The following CHLSN variants were observed in gnomAD, a reference collection of about 807,000 sequenced individuals.
CHLSN encodes protein cholesin.
At chr7:1,039,878 A>G in the CHLSN span, among the ~76,000 whole-genome samples, 1 of 75,220 alleles carries the variant, frequency 1.3e-5, no homozygotes, top group East Asian at 2.6e-4. Flanking sequence ...CTTACCCCCA[A>G]CCCTGTGCTC....
the CHLSN span, among the ~76,000 whole-genome samples, chr7:1,049,904 C>T: frequency 6.6e-6 from 1 of 152,168 alleles, no homozygotes; most frequent in African/African-American, 2.4e-5. Flanking sequence ...CCTGGGCCCT[C>T]CTGATTGCCT....
the CHLSN span, among the ~76,000 whole-genome samples, chr7:1,136,511 CATAT>C: frequency 9.4e-6 from 1 of 106,354 alleles, no homozygotes; most frequent in Non-Finnish European, 1.7e-5. Context: ...TATATATAAA[CATAT>C]ATAAATATAT....
the CHLSN span, chr7:997,822 C>G: frequency 2.0e-5 from 32 of 1,599,318 alleles, no homozygotes; most frequent in Admixed American, 3.4e-5. Flanking sequence ...GGAAAGAGAT[C>G]GAGTTGGTCA....
chr7:1,108,451 G>C, the CHLSN span, among the ~76,000 whole-genome samples: 1 of 152,206 alleles, frequency 6.6e-6, no homozygotes, highest in Non-Finnish European at 1.5e-5. Context: ...GGGCAGCTTT[G>C]CACCTATCTG....
At chr7:1,130,652 C>T in the CHLSN span, among the ~76,000 whole-genome samples, 1 of 152,156 alleles carries the variant, frequency 6.6e-6, no homozygotes, top group Non-Finnish European at 1.5e-5. Context: ...CTGGGTGCAG[C>T]CGAAAAGGAG....
the CHLSN span, among the ~76,000 whole-genome samples, chr7:1,105,432 G>T: frequency 2.0e-5 from 3 of 152,174 alleles, no homozygotes; most frequent in African/African-American, 7.2e-5. Context: ...CTGCCTCATG[G>T]GGTGGCCTGT....
chr7:1,044,896 G>A, the CHLSN span, among the ~76,000 whole-genome samples: 1 of 152,276 alleles, frequency 6.6e-6, no homozygotes, highest in African/African-American at 2.4e-5. Flanking sequence ...TTAACCTGGT[G>A]ATGGCAGCTG....
chr7:1,107,888 C>T, the CHLSN span, among the ~76,000 whole-genome samples: 12 of 142,402 alleles, frequency 8.4e-5, no homozygotes, highest in Admixed American at 4.8e-4. Flanking sequence ...ACTGGAGACC[C>T]GCACCCCGGG....
At chr7:1,122,306 G>C in the CHLSN span, among the ~76,000 whole-genome samples, 1 of 152,228 alleles carries the variant, frequency 6.6e-6, no homozygotes, top group Non-Finnish European at 1.5e-5. Context: ...CTGCTGACAT[G>C]CTGACAGCAG....
the CHLSN span, chr7:997,343 A>G: frequency 5.4e-6 from 2 of 372,384 alleles, no homozygotes; most frequent in Admixed American, 4.7e-5. Context: ...CTCCAAGGCC[A>G]GGGGTCCGGG....
At chr7:1,016,724 C>A in the CHLSN span, among the ~76,000 whole-genome samples, 1 of 127,338 alleles carries the variant, frequency 7.9e-6, no homozygotes, top group Non-Finnish European at 1.6e-5. Flanking sequence ...CACAGCAGCA[C>A]ACAGCAGCAC....
At chr7:986,897 A>C in the CHLSN span, 1 of 1,367,876 alleles carries the variant, frequency 7.3e-7, no homozygotes. Context: ...TCCTGCACCA[A>C]GCTCCCTACC....
At chr7:986,442 G>C in the CHLSN span, 8 of 668,992 alleles carry the variant, frequency 1.2e-5, no homozygotes, top group South Asian at 7.7e-5. Flanking sequence ...ACGGACAGGG[G>C]GTTTCCTGGC....
chr7:1,040,176 AT>A, the CHLSN span, among the ~76,000 whole-genome samples: 44 of 109,116 alleles, frequency 4.0e-4, 4 homozygotes, highest in South Asian at 1.1e-3. Context: ...CAATAAAAAA[AT>A]AAATTTAAAA....
At chr7:984,487 G>A in the CHLSN span, 3 of 1,552,456 alleles carry the variant, frequency 1.9e-6, no homozygotes, top group East Asian at 2.4e-5. Context: ...GGGGTTCGAG[G>A]CGGTCAAAGA....
chr7:1,002,126 T>G, the CHLSN span, among the ~76,000 whole-genome samples: 1 of 95,062 alleles, frequency 1.1e-5, no homozygotes, highest in Non-Finnish European at 2.1e-5. Context: ...TGTGGGTGAG[T>G]GGAGCCCTGT....
the CHLSN span, among the ~76,000 whole-genome samples, chr7:987,818 G>T: frequency 6.6e-6 from 1 of 151,722 alleles, no homozygotes; most frequent in Admixed American, 6.6e-5. Context: ...GATCCCCTCG[G>T]TGTGTCCTGG....
the CHLSN span, among the ~76,000 whole-genome samples, chr7:1,019,215 G>A: frequency 6.4e-5 from 8 of 124,430 alleles, no homozygotes; most frequent in Non-Finnish European, 8.1e-5. Context: ...AAAAAAACGG[G>A]GGGGGGGGAG....
At chr7:984,867 G>T in the CHLSN span, 28 of 1,496,404 alleles carry the variant, frequency 1.9e-5, no homozygotes, top group Non-Finnish European at 2.5e-5. Context: ...TGCCCTGTCA[G>T]CCTGCTCACT....
Sources: gnomAD v4.1 joint callset for allele counts (sites outside exome capture counted in the v4.1 genomes callset) on GRCh38, gnomAD v4.1.1 for gene constraint, MANE v1.5 for transcripts, NCBI Gene and HGNC (gene_info 2026-07-23, HGNC 2026-07-21) for gene names.